Variants in POPDC1 observed in about 807,000 individuals in gnomAD.
The protein encoded by POPDC1 is popeye domain-containing protein 1.
At chr6:105,109,636 G>A in the POPDC1 span, among the ~76,000 whole-genome samples, 823 of 151,608 alleles carry the variant, frequency 5.4e-3, 7 homozygotes, top group African/African-American at 0.019. Flanking sequence ...TACTCAGAAG[G>A]CTGAGGCGGG....
chr6:105,125,286 G>T, the POPDC1 span: 1 of 1,312,094 alleles, frequency 7.6e-7, no homozygotes, highest in Non-Finnish European at 1.1e-6. Context: ...CTCTGTGACT[G>T]CTTTCTCCAT....
the POPDC1 span, chr6:105,133,460 T>A: frequency 1.2e-6 from 2 of 1,613,900 alleles, no homozygotes; most frequent in Non-Finnish European, 1.7e-6. Context: ...AGATGATGTA[T>A]CTCTCTCCAG....
the POPDC1 span, among the ~76,000 whole-genome samples, chr6:105,105,015 G>C: frequency 4.6e-5 from 7 of 152,154 alleles, no homozygotes; most frequent in Admixed American, 4.6e-4. Context: ...AAACAGAGAG[G>C]GGTGGCTGCC....
the POPDC1 span, among the ~76,000 whole-genome samples, chr6:105,103,469 TA>T: frequency 6.6e-4 from 98 of 148,016 alleles, 1 homozygote; most frequent in African/African-American, 1.7e-3. Flanking sequence ...AAATTGTCTT[TA>T]AAAAAAAAAA....
chr6:105,117,678 C>T, the POPDC1 span, among the ~76,000 whole-genome samples: 4 of 152,168 alleles, frequency 2.6e-5, no homozygotes, highest in South Asian at 8.3e-4. Flanking sequence ...CAACTGCAAG[C>T]TTCATTATGG....
chr6:105,135,220 A>G, the POPDC1 span, among the ~76,000 whole-genome samples: 1 of 152,316 alleles, frequency 6.6e-6, no homozygotes, highest in Admixed American at 6.5e-5. Context: ...GGCCACTGAG[A>G]CAGGGATGAA....
chr6:105,097,167 C>T, the POPDC1 span: 2 of 152,128 alleles, frequency 1.3e-5, no homozygotes, highest in African/African-American at 4.8e-5. Context: ...AGCGTGTCCC[C>T]TGATGAGCAG....
the POPDC1 span, chr6:105,124,532 C>T: frequency 5.4e-5 from 83 of 1,527,002 alleles, no homozygotes; most frequent in South Asian, 2.5e-4. Flanking sequence ...CCTTAAAAAT[C>T]ATGTGAAAAC....
the POPDC1 span, chr6:105,098,653 C>T: frequency 6.6e-6 from 1 of 152,140 alleles, no homozygotes; most frequent in African/African-American, 2.4e-5. Context: ...AACTTAACCC[C>T]AATGGTTAAA....
the POPDC1 span, among the ~76,000 whole-genome samples, chr6:105,116,350 G>C: frequency 6.6e-6 from 1 of 152,160 alleles, no homozygotes; most frequent in African/African-American, 2.4e-5. Context: ...CCAACTTCCT[G>C]ATCGCTGGGG....
chr6:105,118,505 T>C, the POPDC1 span, among the ~76,000 whole-genome samples: 1 of 152,260 alleles, frequency 6.6e-6, no homozygotes, highest in Non-Finnish European at 1.5e-5. Flanking sequence ...ATGTACTTTA[T>C]GCTAGATACT....
At chr6:105,131,359 T>TA in the POPDC1 span, among the ~76,000 whole-genome samples, 1 of 152,204 alleles carries the variant, frequency 6.6e-6, no homozygotes, top group South Asian at 2.1e-4. Flanking sequence ...GGACCTGAAT[T>TA]ATAGTCCTGG....
At chr6:105,125,389 A>T in the POPDC1 span, 6 of 1,614,086 alleles carry the variant, frequency 3.7e-6, no homozygotes, top group Non-Finnish European at 5.1e-6. Context: ...CAGAACACTT[A>T]CTTTCCCTTC....
the POPDC1 span, chr6:105,129,561 T>G: frequency 6.5e-7 from 1 of 1,534,974 alleles, no homozygotes; most frequent in East Asian, 2.3e-5. Context: ...GTGGGGAGCT[T>G]AATAAATTTG....
chr6:105,122,869 G>A, the POPDC1 span, among the ~76,000 whole-genome samples: 3 of 152,220 alleles, frequency 2.0e-5, no homozygotes, highest in Non-Finnish European at 2.9e-5. Flanking sequence ...TGCATTGTAA[G>A]TCCAGCCAGC....
At chr6:105,101,830 G>A in the POPDC1 span, among the ~76,000 whole-genome samples, 1 of 152,164 alleles carries the variant, frequency 6.6e-6, no homozygotes, top group Non-Finnish European at 1.5e-5. Flanking sequence ...GGCCTTTTAG[G>A]ATGCCATTTA....
the POPDC1 span, chr6:105,100,610 G>GTTA: frequency 7.2e-6 from 1 of 138,460 alleles, no homozygotes; most frequent in East Asian, 2.1e-4. Context: ...GTGTGTGTGT[G>GTTA]TATATATGGA....
At chr6:105,118,040 C>A in the POPDC1 span, among the ~76,000 whole-genome samples, 4 of 152,028 alleles carry the variant, frequency 2.6e-5, no homozygotes, top group African/African-American at 4.8e-5. Context: ...AGCAGGAGAC[C>A]CCTGGGTGAC....
At chr6:105,119,385 A>G in the POPDC1 span, among the ~76,000 whole-genome samples, 2 of 152,284 alleles carry the variant, frequency 1.3e-5, no homozygotes, top group South Asian at 4.2e-4. Context: ...GGCTGAACAC[A>G]TGCCATGAAG....
Sources: allele counts gnomAD v4.1 joint callset (sites outside exome capture counted in the v4.1 genomes callset), GRCh38; gene constraint gnomAD v4.1.1; transcripts MANE v1.5; gene names NCBI Gene and HGNC (gene_info 2026-07-23, HGNC 2026-07-21).